Variants in RALGAPA1 observed in about 807,000 individuals in gnomAD.
RALGAPA1 encodes Ral GTPase activating protein catalytic subunit alpha 1.
In RALGAPA1, 52 loss-of-function variants were observed where a neutral mutation model predicts 269.6. The ratio of observed to expected loss-of-function variants is 0.19; its 90% confidence interval spans 0.15 to 0.24. The LOEUF is 0.24. Ranked by LOEUF, RALGAPA1 falls within the 10% of genes least tolerant of loss-of-function variation. The probability of loss-of-function intolerance (pLI) is 1.00; values close to 1 mark genes in which losing one functional copy is unlikely to be tolerated. For synonymous variants in RALGAPA1, 817 were observed against 1,008.3 expected, an observed-to-expected ratio of 0.81 and a Z score of 3.60; for missense variants, 1,917 against 3,013.9, an observed-to-expected ratio of 0.64 and a Z score of 8.52.
intron 22 of RALGAPA1, 107 bp from the exon 23 acceptor site, chr14:35,674,816 A>G: frequency 1.8e-6 from 1 of 569,336 alleles, no homozygotes; most frequent in Non-Finnish European, 3.1e-6. Context: ...AGAAATGAAT[A>G]AAAGAAATGT....
At position 35,767,939 on chromosome 14, in the gene RALGAPA1, T is replaced by A. The variant is rs562441920; in HGVS notation, c.325+3003A>T. ...ACATGAAGGAGTCATCACGTCTGGA[T>A]AATTTTTGTATTTTTTTCCTAGATG... On this transcript the variant is annotated intron_variant, in intron 4 of 41. Coordinates refer to ENST00000680220, the MANE Select transcript of RALGAPA1 (RefSeq NM_001346249.2). Among the ~76,000 whole-genome samples the A allele has an allele frequency of 5.3e-5, 8 of 152,196 alleles. No homozygotes were observed. In the South Asian group the frequency reaches 1.5e-3, roughly 28 times the overall value.
intron 3 of RALGAPA1, among the ~76,000 whole-genome samples, chr14:35,773,998 C>T (rs1047632747): frequency 9.9e-5 from 15 of 152,194 alleles, no homozygotes; most frequent in South Asian, 2.1e-4. Context: ...ACTATAGTTT[C>T]GACCTCCTGG....
intron 17 of RALGAPA1, among the ~76,000 whole-genome samples, chr14:35,697,200 A>T (rs2066970589): frequency 6.6e-6 from 1 of 152,238 alleles, no homozygotes; most frequent in African/African-American, 2.4e-5. Context: ...GTAAACTGGT[A>T]GAAGATTAAT....
rs759738293 is a variant in RALGAPA1, at chr14:35,659,189, A to T, written c.5336T>A (p.Ile1779Lys). The T allele has an allele frequency of 1.9e-6, 3 of 1,609,452 alleles. No homozygotes were observed. The South Asian group carries it at 3.3e-5, about 18-fold the overall frequency. The change falls in exon 28 of 42, where the codon ATA (isoleucine) becomes AAA (lysine). Residue 1779 changes from isoleucine (I) to lysine (K), a missense_variant. Ile to Lys is a moderately radical substitution (Grantham distance 102, BLOSUM62 -3). Transcript: ENST00000680220. ...VSQFTDVKEL[I>K]IKTVLSSARD... ...TGCCGAGCTTAATACAGTTTTGATT[A>T]TAAGTTCCTAAAATAAGGGGGAAAT...
intron 16 of RALGAPA1, among the ~76,000 whole-genome samples, chr14:35,714,904 T>C (rs1167498457): frequency 1.3e-5 from 2 of 152,230 alleles, no homozygotes; most frequent in Admixed American, 6.5e-5. Context: ...ACTTTGAAGA[T>C]ATTATCATGC....
At chr14:35,656,083 G>A (rs2063156927) in intron 28 of RALGAPA1, among the ~76,000 whole-genome samples, 168 bp from the exon 29 acceptor site, 1 of 152,086 alleles carries the variant, frequency 6.6e-6, no homozygotes, top group Admixed American at 6.6e-5. Context: ...GAAGAAAGCA[G>A]AATCCCAAAA....
intron 10 of RALGAPA1, among the ~76,000 whole-genome samples, chr14:35,744,161 C>T (rs1042016997): frequency 3.6e-4 from 54 of 152,062 alleles, no homozygotes; most frequent in Admixed American, 3.5e-3. Context: ...CACCTGAGGG[C>T]GGGAGTTCAA....
chr14:35,643,264 T>C (rs1389843203), intron 31 of RALGAPA1, among the ~76,000 whole-genome samples: 3 of 152,240 alleles, frequency 2.0e-5, no homozygotes, highest in Non-Finnish European at 4.4e-5. Context: ...CACACTAACA[T>C]GGCACATGTA....
chr14:35,548,159 A>T (rs1381400267), intron 41 of RALGAPA1, among the ~76,000 whole-genome samples: 1 of 152,150 alleles, frequency 6.6e-6, no homozygotes, highest in African/African-American at 2.4e-5. Flanking sequence ...ATCCAATAAC[A>T]ATGCAACACA....
intron 26 of RALGAPA1, among the ~76,000 whole-genome samples, chr14:35,669,521 T>C (rs547116240): frequency 6.6e-6 from 1 of 152,216 alleles, no homozygotes; most frequent in Non-Finnish European, 1.5e-5. Flanking sequence ...CCCAAAGTGC[T>C]GGGAGTACAG....
At chr14:35,722,944 C>T in intron 15 of RALGAPA1, 83 bp downstream of exon 15, 1 of 685,424 alleles carries the variant, frequency 1.5e-6, no homozygotes, top group East Asian at 2.6e-5. Context: ...TTATTTCACC[C>T]TCACCCCTCT....
At chr14:35,583,654 T>C (rs983928827) in intron 37 of RALGAPA1, among the ~76,000 whole-genome samples, 1 of 152,042 alleles carries the variant, frequency 6.6e-6, no homozygotes, top group African/African-American at 2.4e-5. Flanking sequence ...CCTAGGTGCA[T>C]CACATTTAAA....
chr14:35,760,451 A>C (rs950647963), intron 6 of RALGAPA1, among the ~76,000 whole-genome samples: 2 of 152,208 alleles, frequency 1.3e-5, no homozygotes, highest in Admixed American at 1.3e-4. Flanking sequence ...TCTACAGCCC[A>C]CTGGAATTAT....
chr14:35,740,648 AT>A (rs1369023818), intron 11 of RALGAPA1, among the ~76,000 whole-genome samples: 8 of 152,142 alleles, frequency 5.3e-5, no homozygotes, highest in Non-Finnish European at 8.8e-5. Flanking sequence ...TCTATTAAAA[AT>A]ACAAAAAAAT....
intron 33 of RALGAPA1, among the ~76,000 whole-genome samples, chr14:35,630,732 C>CA (rs1297907596): frequency 6.6e-6 from 1 of 151,972 alleles, no homozygotes; most frequent in Admixed American, 6.6e-5. Context: ...GTGTCTCTAC[C>CA]AAAAAATACA....
chr14:35,570,062 G>A (rs577192910), intron 39 of RALGAPA1, among the ~76,000 whole-genome samples: 6 of 151,644 alleles, frequency 4.0e-5, no homozygotes, highest in Non-Finnish European at 7.4e-5. Flanking sequence ...CCGAGGTCAG[G>A]AGTTCGAGAC....
intron 1 of RALGAPA1, among the ~76,000 whole-genome samples, chr14:35,797,779 A>C (rs1206576597): frequency 6.8e-6 from 1 of 147,778 alleles, no homozygotes; most frequent in Non-Finnish European, 1.5e-5. Context: ...CGGGATACGG[A>C]GGTTGCAGTG....
intron 27 of RALGAPA1, among the ~76,000 whole-genome samples, chr14:35,661,227 T>C (rs549843196): frequency 6.6e-6 from 1 of 152,284 alleles, no homozygotes; most frequent in Admixed American, 6.5e-5. Flanking sequence ...AGACATCATA[T>C]TGTACACCTT....
At chr14:35,639,545 T>C (rs757675693) in intron 31 of RALGAPA1, among the ~76,000 whole-genome samples, 4 of 152,198 alleles carry the variant, frequency 2.6e-5, no homozygotes, top group African/African-American at 9.7e-5. Flanking sequence ...AACATATTTT[T>C]AAAAATTGAA....
Sources: allele counts gnomAD v4.1 joint callset (sites outside exome capture counted in the v4.1 genomes callset), GRCh38; gene constraint gnomAD v4.1.1; transcripts MANE v1.5; gene names NCBI Gene and HGNC (gene_info 2026-07-23, HGNC 2026-07-21).